Variants in CEBPG observed in about 807,000 individuals in gnomAD.
The protein encoded by CEBPG is CCAAT/enhancer-binding protein gamma.
CEBPG carries 6 observed loss-of-function variants against 11.1 expected under a neutral mutation model. That is an observed-to-expected ratio of 0.54 (90% CI 0.30 to 1.07). The LOEUF is 1.07. Among genes scored for constraint, CEBPG ranks in the 50% least tolerant of loss-of-function variants. The probability of loss-of-function intolerance (pLI) is 0.07; values close to 1 mark genes in which losing one functional copy is unlikely to be tolerated. For missense variants in CEBPG, 161 were observed against 187.4 expected, an observed-to-expected ratio of 0.86 and a Z score of 0.82; for synonymous variants, 66 against 71.0, an observed-to-expected ratio of 0.93 and a Z score of 0.36.
chr19:33,375,374 G>A (rs1008834232), intron 1 of CEBPG, among the ~76,000 whole-genome samples: 2 of 152,098 alleles, frequency 1.3e-5, no homozygotes, highest in Non-Finnish European at 2.9e-5. Flanking sequence ...CTTGGTCACA[G>A]TAATGGTAAA....
In CEBPG at chr19:33,381,449, G is replaced by C. The variant is rs1383886618; in HGVS notation, c.*1757G>C. On this transcript the variant is annotated 3_prime_UTR_variant, in exon 2 of 2. Coordinates refer to ENST00000284000, the MANE Select transcript of CEBPG (RefSeq NM_001806.4). ...CCAGGAGGGCTGTTAACTCCCTATA[G>C]AGCCAGGAGACAGGATAGGGGTTTC... 1 of 166,978 alleles carries C rather than the reference G, an allele frequency of 6.0e-6. No individual in the cohort carries two copies. The highest frequency in any genetic ancestry group is 1.9e-4 in the East Asian group (1 of 5,192). The allele number at this position is 166,978 out of a possible 1,614,324, so 10.3% of individuals were successfully genotyped here. A position where few individuals can be genotyped will look rare whatever the true frequency, so the allele number is the denominator to read the frequency against.
At position 33,382,337 on chromosome 19, in the gene CEBPG, T is replaced by A. The variant is rs1185026320; in HGVS notation, c.*2645T>A. On this transcript the variant is annotated 3_prime_UTR_variant, in exon 2 of 2. Transcript: ENST00000284000. ...GGTCATGAGTGTGAAATTCTCAAAT[T>A]TACATAAAAAGTAGAAGTATAGACA... The A allele has an allele frequency of 6.0e-6, 1 of 167,090 alleles. No individual in the cohort carries two copies. The highest frequency in any genetic ancestry group is 1.5e-5 in the Non-Finnish European group (1 of 68,126). The allele number at this position is 167,090 out of a possible 1,614,324, so 10.4% of individuals were successfully genotyped here. A position where few individuals can be genotyped will look rare whatever the true frequency, so the allele number is the denominator to read the frequency against.
rs1356666687 is a variant in CEBPG, at chr19:33,380,715, A to G, written c.*1023A>G. 1 of 166,892 alleles carries G rather than the reference A, an allele frequency of 6.0e-6. No individual in the cohort carries two copies. Among genetic ancestry groups the G allele is most frequent in the Non-Finnish European group, 1.5e-5 (1 of 68,120 alleles). The allele number at this position is 166,892 out of a possible 1,614,324, so 10.3% of individuals were successfully genotyped here. A position where few individuals can be genotyped will look rare whatever the true frequency, so the allele number is the denominator to read the frequency against. The stretch of plus-strand genomic sequence containing the variant: ...GGTATTTGATCTTAACCAAGTGATT[A>G]TTAGAGAAATGTATCAACTCCATGC... On this transcript the variant is annotated 3_prime_UTR_variant, in exon 2 of 2. Coordinates refer to ENST00000284000, the MANE Select transcript of CEBPG (RefSeq NM_001806.4).
intron 1 of CEBPG, among the ~76,000 whole-genome samples, chr19:33,375,416 C>T (rs1967900255): frequency 6.6e-6 from 1 of 151,970 alleles, no homozygotes; most frequent in South Asian, 2.1e-4. Context: ...CTGTATTGTG[C>T]GTTCTTGGGA....
chr19:33,374,358 CTCAGCT>C (rs1476815274), intron 1 of CEBPG: 3 of 152,226 alleles, frequency 2.0e-5, no homozygotes, highest in Non-Finnish European at 4.4e-5. Flanking sequence ...TCTAGAAGGG[CTCAGCT>C]TGCGGTGATC....
intron 1 of CEBPG, among the ~76,000 whole-genome samples, chr19:33,378,340 G>C (rs1967938197): frequency 6.6e-6 from 1 of 152,196 alleles, no homozygotes; most frequent in Admixed American, 6.5e-5. Flanking sequence ...CCTTTGTCCA[G>C]CCTGGGTCCC....
chr19:33,378,298 G>A (rs1055618091), intron 1 of CEBPG, among the ~76,000 whole-genome samples: 2 of 152,228 alleles, frequency 1.3e-5, no homozygotes, highest in African/African-American at 2.4e-5. Flanking sequence ...TTGGTAGCAC[G>A]AAGTGGCCAC....
chr19:33,379,051 A>G (rs919061820), intron 1 of CEBPG, 93 bp from the exon 2 acceptor site: 2 of 506,112 alleles, frequency 4.0e-6, no homozygotes, highest in Non-Finnish European at 6.8e-6. Context: ...CAGCAGAATC[A>G]ATTAATGTTG....
At position 33,373,780 on chromosome 19, in the gene CEBPG, A is replaced by G. The variant is rs1967874406; in HGVS notation, c.-212A>G. ...AACGGGCGGAGGCTGCCGGTTTCGT[A>G]ACCGTCGCTCCTCCTCGCTGACTCG... On this transcript the variant is annotated 5_prime_UTR_variant, in exon 1 of 2. Transcript: ENST00000284000. 1 of 151,224 alleles carries G rather than the reference A, an allele frequency of 6.6e-6. No homozygotes were observed. Among genetic ancestry groups the G allele is most frequent in the Non-Finnish European group, 1.5e-5 (1 of 67,814 alleles). 9.4% of individuals were successfully genotyped at this position (151,224 alleles called of 1,614,324 possible).
At chr19:33,376,246 G>A (rs568835035) in intron 1 of CEBPG, among the ~76,000 whole-genome samples, 1 of 152,294 alleles carries the variant, frequency 6.6e-6, no homozygotes, top group Non-Finnish European at 1.5e-5. Context: ...AGGGACAAAA[G>A]GGTTAGGAAA....
In CEBPG at chr19:33,381,722, T is replaced by C. The variant is rs1203146085; in HGVS notation, c.*2030T>C. 6.0e-6 allele frequency: 1 copy of C among 167,120 alleles called. No individual in the cohort carries two copies. The highest frequency in any genetic ancestry group is 1.5e-5 in the Non-Finnish European group (1 of 68,132). The allele number at this position is 167,120 out of a possible 1,614,324, so 10.4% of individuals were successfully genotyped here. A position where few individuals can be genotyped will look rare whatever the true frequency, so the allele number is the denominator to read the frequency against. ...GCTCCCATGGAATTTATACCAGTTA[T>C]ATGAATTGACTTAAGTATCTTGAAA... is the stretch of plus-strand genomic sequence containing the variant. On this transcript the variant is annotated 3_prime_UTR_variant, in exon 2 of 2. Transcript: ENST00000284000.
rs1169888587 is a variant in CEBPG at position 33,380,463 on chromosome 19, G to A, written c.*771G>A. On this transcript the variant is annotated 3_prime_UTR_variant, in exon 2 of 2. Coordinates refer to ENST00000284000, the MANE Select transcript of CEBPG (RefSeq NM_001806.4). ...TATTCTAAAAACCCAACTCAGTGGT[G>A]TAGAGAAACTTGTGTACCAAAATTT... 6.0e-6 allele frequency: 1 copy of A among 166,990 alleles called. No homozygotes were observed. Among genetic ancestry groups the A allele is most frequent in the Non-Finnish European group, 1.5e-5 (1 of 68,126 alleles). 10.3% of individuals were successfully genotyped at this position (166,990 alleles called of 1,614,324 possible).
intron 1 of CEBPG, among the ~76,000 whole-genome samples, chr19:33,375,368 G>C (rs1273653480): frequency 6.6e-6 from 1 of 152,038 alleles, no homozygotes; most frequent in Non-Finnish European, 1.5e-5. Context: ...GCCTCACTTG[G>C]TCACAGTAAT....
intron 1 of CEBPG, among the ~76,000 whole-genome samples, chr19:33,377,388 G>A (rs569836913): frequency 6.6e-6 from 1 of 152,264 alleles, no homozygotes; most frequent in East Asian, 1.9e-4. Flanking sequence ...CTATCTCTGA[G>A]CATGGACAAG....
chr19:33,378,342 C>A (rs1378659183), intron 1 of CEBPG, among the ~76,000 whole-genome samples: 1 of 152,224 alleles, frequency 6.6e-6, no homozygotes, highest in Non-Finnish European at 1.5e-5. Flanking sequence ...TTTGTCCAGC[C>A]TGGGTCCCAG....
In CEBPG at chr19:33,376,278, C is replaced by T. The variant is rs192531676; in HGVS notation, c.-97+2383C>T. Among the ~76,000 whole-genome samples the T allele has an allele frequency of 2.6e-4, 39 of 152,184 alleles. No individual in the cohort carries two copies. In the East Asian group the frequency reaches 5.2e-3, roughly 20 times the overall value. ...GAAAATTCTTGATAGGTTTATTTTCCCAGGTGAAACTTGAGAAAAATTTGA... is the reference window on the plus strand; with the variant it reads ...GAAAATTCTTGATAGGTTTATTTTCTCAGGTGAAACTTGAGAAAAATTTGA... On this transcript the variant is annotated intron_variant, in intron 1 of 1. Transcript: ENST00000284000.
At position 33,379,871 on chromosome 19, in the gene CEBPG, G is replaced by A. The variant is rs373971785; in HGVS notation, c.*179G>A. 68 of 544,942 alleles carry A rather than the reference G, an allele frequency of 1.2e-4. No homozygotes were observed. Among genetic ancestry groups the A allele is most frequent in the African/African-American group, 1.1e-3 (56 of 52,542 alleles). The allele number at this position is 544,942 out of a possible 1,614,324, so 33.8% of individuals were successfully genotyped here. On this transcript the variant is annotated 3_prime_UTR_variant, in exon 2 of 2. Coordinates refer to ENST00000284000, the MANE Select transcript of CEBPG (RefSeq NM_001806.4). ...GCTAAAAATGTTAGCCTTGTAATTC[G>A]AATATCTGGTTTTAAATGATAGAGG...
In CEBPG at chr19:33,379,699, C is replaced by T. The variant is rs192410580; in HGVS notation, c.*7C>T. On this transcript the variant is annotated 3_prime_UTR_variant, in exon 2 of 2. Transcript: ENST00000284000. ...CGACAATGCAGGACAGTAGACCTCA[C>T]CCTTTCCAGACTTTAGAGCTTGTGG... 1.5e-3 allele frequency: 2,470 copies of T among 1,594,224 alleles called. 33 individuals carry two copies. The African/African-American group carries it at 0.028, about 18-fold the overall frequency.
chr19:33,374,610 G>A (rs58554212), intron 1 of CEBPG: 3,806 of 152,346 alleles, frequency 0.025, 175 homozygotes, highest in African/African-American at 0.086. Flanking sequence ...GACAGCCAGC[G>A]GAGGTGACCA....
Sources: allele counts gnomAD v4.1 joint callset (sites outside exome capture counted in the v4.1 genomes callset), GRCh38; gene constraint gnomAD v4.1.1; transcripts MANE v1.5; gene names NCBI Gene and HGNC (gene_info 2026-07-23, HGNC 2026-07-21).